PSD3: variants seen among roughly 807,000 people sequenced by gnomAD.
PSD3 encodes pleckstrin and Sec7 domain containing 3, also known as PH and SEC7 domain-containing protein 3.
Under a neutral mutation model 105.5 loss-of-function variants are expected in PSD3, and 49 were observed. The ratio of observed to expected loss-of-function variants is 0.46; its 90% confidence interval spans 0.37 to 0.59. PSD3 has a LOEUF of 0.59. Among genes scored for constraint, PSD3 ranks in the 20% least tolerant of loss-of-function variants. The pLI is 0.00. For missense variants in PSD3, 1,561 were observed against 1,263.8 expected, an observed-to-expected ratio of 1.24 and a Z score of -3.57; for synonymous variants, 557 against 457.8, an observed-to-expected ratio of 1.22 and a Z score of -2.77.
chr8:18,575,321 C>A (rs1409006816), intron 12 of PSD3, 36 bp from the exon 13 acceptor site: 1 of 1,510,702 alleles, frequency 6.6e-7, no homozygotes. Context: ...AGGCAAAAAT[C>A]ACGATCAGAT....
chr8:18,568,490 G>T (rs912025440), intron 14 of PSD3, among the ~76,000 whole-genome samples: 2 of 117,718 alleles, frequency 1.7e-5, no homozygotes, highest in Admixed American at 1.8e-4. Flanking sequence ...CCAGAAGCAG[G>T]TCAGACACCA....
intron 4 of PSD3, among the ~76,000 whole-genome samples, chr8:18,817,761 C>G (rs982736969): frequency 2.0e-5 from 3 of 152,174 alleles, no homozygotes; most frequent in African/African-American, 7.2e-5. Flanking sequence ...TGCCAATGAG[C>G]TCTCTCTATG....
intron 14 of PSD3, among the ~76,000 whole-genome samples, chr8:18,566,451 G>A (rs1216172922): frequency 6.6e-6 from 1 of 150,912 alleles, no homozygotes; most frequent in Admixed American, 6.6e-5. Flanking sequence ...GCATGAACCC[G>A]GGAGGTGGGG....
intron 2 of PSD3, among the ~76,000 whole-genome samples, chr8:18,899,028 G>C (rs537113989): frequency 6.6e-6 from 1 of 152,258 alleles, no homozygotes; most frequent in South Asian, 2.1e-4. Flanking sequence ...GTGCCCATAT[G>C]ATAGAAGGGT....
chr8:18,987,782 C>T (rs542385125), intron 1 of PSD3, among the ~76,000 whole-genome samples: 11 of 151,928 alleles, frequency 7.2e-5, no homozygotes, highest in African/African-American at 4.8e-5. Flanking sequence ...CACTGCACTC[C>T]GGCCTAGGCA....
intron 9 of PSD3, among the ~76,000 whole-genome samples, chr8:18,663,153 C>T (rs543270474): frequency 4.6e-5 from 7 of 152,282 alleles, no homozygotes; most frequent in Admixed American, 3.9e-4. Context: ...GAAGGCCGGG[C>T]GCAGTGGCTC....
chr8:18,884,280 G>C (rs116119498), intron 2 of PSD3, among the ~76,000 whole-genome samples: 1 of 152,080 alleles, frequency 6.6e-6, no homozygotes, highest in African/African-American at 2.4e-5. Flanking sequence ...ACATTTTTAC[G>C]TTTAATAATC....
intron 9 of PSD3, among the ~76,000 whole-genome samples, chr8:18,665,105 G>T (rs754025541): frequency 7.9e-5 from 12 of 152,210 alleles, no homozygotes; most frequent in Non-Finnish European, 1.5e-4. Context: ...GGATCAAGAA[G>T]TGATTTCTAC....
Position 19,013,530 on chromosome 8 carries a change from ACCCCGCGCCCGCG to A in PSD3, c.21+20_21+32del. On this transcript the variant is annotated intron_variant, in intron 1 of 15. Transcript: ENST00000327040. ...CGTCGAACAGCGGCGCCGCGTGCGC[ACCCCGCGCCCGCG>A]CCCCGGCCCCGGAGCTCACCGCTGC... is the stretch of plus-strand genomic sequence containing the variant. 1.3e-6 allele frequency: 2 copies of A among 1,574,820 alleles called. No homozygotes were observed. Among genetic ancestry groups the A allele is most frequent in the African/African-American group, 1.4e-5 (1 of 72,140 alleles).
At chr8:18,975,720 C>T (rs1055365330) in intron 1 of PSD3, among the ~76,000 whole-genome samples, 1 of 151,990 alleles carries the variant, frequency 6.6e-6, no homozygotes, top group Non-Finnish European at 1.5e-5. Context: ...TTAAAAATTG[C>T]ACATATAGTC....
intron 9 of PSD3, among the ~76,000 whole-genome samples, chr8:18,764,491 G>GT (rs1290605107): frequency 6.6e-6 from 1 of 152,034 alleles, no homozygotes; most frequent in Non-Finnish European, 1.5e-5. Context: ...AATAAAGTTA[G>GT]TAAGACTAAG....
chr8:18,690,256 TG>T (rs1800898798), intron 9 of PSD3, among the ~76,000 whole-genome samples: 1 of 152,164 alleles, frequency 6.6e-6, no homozygotes, highest in South Asian at 2.1e-4. Flanking sequence ...TCCCTGTCCT[TG>T]ACCTGGCAGG....
chr8:18,815,998 C>T (rs561547069), intron 4 of PSD3, among the ~76,000 whole-genome samples: 7 of 152,224 alleles, frequency 4.6e-5, no homozygotes, highest in South Asian at 2.1e-4. Context: ...AAGACCCTCC[C>T]CTTAGGAAAT....
At chr8:18,973,947 C>A (rs995933443) in intron 1 of PSD3, among the ~76,000 whole-genome samples, 26 of 152,198 alleles carry the variant, frequency 1.7e-4, no homozygotes, top group African/African-American at 5.8e-4. Context: ...CCTGCTCTTG[C>A]ACAGTGTCAC....
rs186172513 is a variant in PSD3, at chr8:18,848,101, T to G, written c.1634+19573A>C. On this transcript the variant is annotated intron_variant, in intron 4 of 15. Coordinates refer to ENST00000327040, the MANE Select transcript of PSD3 (RefSeq NM_015310.4). Reference sequence around the variant, plus strand: ...ATCAGAACACAAAAAGGCTAGCTACTGATCACAAGATACACAAGCTTTCGA... The same window carrying G: ...ATCAGAACACAAAAAGGCTAGCTACGGATCACAAGATACACAAGCTTTCGA... 3.7e-3 allele frequency among the ~76,000 whole-genome samples: 555 copies of G among 151,652 alleles called. 1 individual carries two copies. The highest frequency in any genetic ancestry group is 4.5e-3 in the Non-Finnish European group (303 of 67,932).
chr8:18,780,275 C>T (rs1374897268), intron 8 of PSD3, among the ~76,000 whole-genome samples: 1 of 152,068 alleles, frequency 6.6e-6, no homozygotes, highest in African/African-American at 2.4e-5. Flanking sequence ...TTATCTTTTT[C>T]CATCCCTTCA....
At chr8:18,767,638 T>C (rs1453178332) in intron 8 of PSD3, among the ~76,000 whole-genome samples, 2 of 151,954 alleles carry the variant, frequency 1.3e-5, no homozygotes, top group African/African-American at 4.8e-5. Context: ...CTCCAGCTAC[T>C]TGGGAGGCTG....
At chr8:18,606,783 G>T (rs1173776266) in intron 11 of PSD3, among the ~76,000 whole-genome samples, 2 of 152,066 alleles carry the variant, frequency 1.3e-5, no homozygotes, top group East Asian at 1.9e-4. Flanking sequence ...GGAAGGAAAG[G>T]GAAAGGCATT....
chr8:18,575,454 T>C lies in PSD3; in HGVS notation c.2482-169A>G, dbSNP rs140827615. Among the ~76,000 whole-genome samples, 562 of 152,334 alleles carry C rather than the reference T, an allele frequency of 3.7e-3. 4 individuals are homozygous for C. The highest frequency in any genetic ancestry group is 0.013 in the African/African-American group (523 of 41,574). ...ACCTTATAAATGTTACAGAACATTA[T>C]GTTGTTTGAAAAATTTGCTGAGAAT... is the stretch of plus-strand genomic sequence containing the variant. On this transcript the variant is annotated intron_variant, in intron 12 of 15. Transcript: ENST00000327040.
Sources: gnomAD v4.1 joint callset for allele counts (sites outside exome capture counted in the v4.1 genomes callset) on GRCh38, gnomAD v4.1.1 for gene constraint, MANE v1.5 for transcripts, NCBI Gene and HGNC (gene_info 2026-07-23, HGNC 2026-07-21) for gene names.